The following SASH1 variants were observed in gnomAD, a reference collection of about 807,000 sequenced individuals.
SASH1 encodes the protein SAM and SH3 domain containing 1, also known as SAM and SH3 domain-containing protein 1.
In SASH1, 44 loss-of-function variants were observed where a neutral mutation model predicts 125.2. The observed-to-expected ratio is 0.35, with a 90% confidence interval of 0.28 to 0.45. The LOEUF is 0.45. Ranked by LOEUF, SASH1 falls within the 20% of genes least tolerant of loss-of-function variation. The pLI is 1.00. For missense variants in SASH1, 1,426 were observed against 1,614.5 expected (o/e 0.88, Z 2.00); for synonymous variants, 639 against 649.1 (o/e 0.98, Z 0.24).
chr6:148,396,159 A>C (rs756082331), intron 2 of SASH1, among the ~76,000 whole-genome samples: 5 of 147,410 alleles, frequency 3.4e-5, no homozygotes, highest in Non-Finnish European at 6.0e-5. Flanking sequence ...AAAATATTGC[A>C]TATTATAACT....
At chr6:148,273,637 A>G (rs1291670752) in intron 1 of SASH1, among the ~76,000 whole-genome samples, 3 of 152,036 alleles carry the variant, frequency 2.0e-5, no homozygotes, top group Non-Finnish European at 4.4e-5. Flanking sequence ...TTTGTTCATG[A>G]AAAATAATTA....
chr6:148,343,511 A>G (rs1002046784), intron 1 of SASH1, among the ~76,000 whole-genome samples: 1 of 152,242 alleles, frequency 6.6e-6, no homozygotes, highest in Non-Finnish European at 1.5e-5. Flanking sequence ...AAAGGCGAGA[A>G]AGAGGCCTTC....
chr6:148,526,471 C>A (rs1781166442), intron 11 of SASH1, among the ~76,000 whole-genome samples: 1 of 151,950 alleles, frequency 6.6e-6, no homozygotes, highest in African/African-American at 2.4e-5. Flanking sequence ...GCTAAAATAC[C>A]CACCTGGGAT....
chr6:148,439,238 C>T (rs1249734485), intron 2 of SASH1, among the ~76,000 whole-genome samples: 2 of 152,144 alleles, frequency 1.3e-5, no homozygotes, highest in Non-Finnish European at 2.9e-5. Flanking sequence ...TTCTTTGATT[C>T]TTCTGCCTCT....
intron 12 of SASH1, among the ~76,000 whole-genome samples, chr6:148,528,578 A>G (rs1186590590): frequency 6.6e-6 from 1 of 152,186 alleles, no homozygotes; most frequent in Non-Finnish European, 1.5e-5. Flanking sequence ...AGTTGATTAC[A>G]GTGGTTCTCA....
At chr6:148,365,981 C>T (rs193252260) in intron 1 of SASH1, among the ~76,000 whole-genome samples, 207 of 152,162 alleles carry the variant, frequency 1.4e-3, no homozygotes, top group African/African-American at 4.5e-3. Flanking sequence ...GGCGTGGTGG[C>T]GTGCGCCTGT....
intron 2 of SASH1, among the ~76,000 whole-genome samples, chr6:148,434,738 T>A (rs1402897154): frequency 2.0e-5 from 3 of 152,238 alleles, no homozygotes; most frequent in African/African-American, 4.8e-5. Context: ...TTTCTTTTTT[T>A]AATGTATTTA....
rs533747778 is a variant in SASH1, at chr6:148,463,301, C to T, written c.387-5244C>T. 5.3e-5 allele frequency among the ~76,000 whole-genome samples: 8 copies of T among 152,148 alleles called. No homozygotes were observed. The South Asian group carries it at 1.0e-3, about 20-fold the overall frequency. On this transcript the variant is annotated intron_variant, in intron 4 of 19. Transcript: ENST00000367467. ...CTGCGATTACAGGTGCTCTCCACCA[C>T]GCCTGGCTAATTATTGTATTTTTAG...
chr6:148,277,237 G>A (rs1007076410), intron 1 of SASH1, among the ~76,000 whole-genome samples: 1 of 152,190 alleles, frequency 6.6e-6, no homozygotes, highest in African/African-American at 2.4e-5. Context: ...GTGGTCAGGT[G>A]GCCAATGTGG....
chr6:148,441,859 C>T (rs144418076), intron 4 of SASH1, among the ~76,000 whole-genome samples: 43 of 152,250 alleles, frequency 2.8e-4, no homozygotes, highest in Non-Finnish European at 5.6e-4. Context: ...TGGCATGGCT[C>T]TTGTGGCTGA....
At chr6:148,355,333 C>T (rs1170732936) in intron 1 of SASH1, among the ~76,000 whole-genome samples, 4 of 152,118 alleles carry the variant, frequency 2.6e-5, no homozygotes, top group South Asian at 2.1e-4. Flanking sequence ...TAACATGTGA[C>T]GCCCAGGTGG....
At position 148,387,596 on chromosome 6, in the gene SASH1, C is replaced by G. The variant is rs1562371018; in HGVS notation, c.157-2538C>G. On this transcript the variant is annotated intron_variant, in intron 1 of 19. Transcript: ENST00000367467. ...TCTTTCTTTCTTTCTTTCTTTCTTT[C>G]TTTCTTTCTTTCTTTCTTTCTTTCT... Among the ~76,000 whole-genome samples, 7 of 10,316 alleles carry G rather than the reference C, an allele frequency of 6.8e-4. 1 individual carries two copies. The highest frequency in any genetic ancestry group is 1.1e-3 in the African/African-American group (2 of 1,850). The allele number at this position is 10,316 out of a possible 152,430, so 6.8% of individuals were successfully genotyped here.
In SASH1 at chr6:148,290,333, G is replaced by A. The variant is rs113439461; in HGVS notation, n.74+17956G>A. ...TTAATGAAAACGTTCTTGGCCGGGC[G>A]CGGTGGCTCATGCCTGTAATCCCAG... On this transcript the variant is annotated intron_variant and non_coding_transcript_variant, in intron 1 of 3. Coordinates refer to the SASH1 transcript ENST00000367469. Among the ~76,000 whole-genome samples, 1,058 of 151,776 alleles carry A rather than the reference G, an allele frequency of 7.0e-3. 14 individuals carry two copies. The highest frequency in any genetic ancestry group is 0.019 in the Admixed American group (286 of 15,238).
At chr6:148,534,145 T>G (rs1231228037) in intron 15 of SASH1, among the ~76,000 whole-genome samples, 165 bp downstream of exon 15, 1 of 149,090 alleles carries the variant, frequency 6.7e-6, no homozygotes, top group Non-Finnish European at 1.5e-5. Context: ...CAGAAAGAGT[T>G]AGTTAGTTAC....
chr6:148,213,976 G>C, the SASH1 span, among the ~76,000 whole-genome samples: 3 of 152,092 alleles, frequency 2.0e-5, no homozygotes, highest in Non-Finnish European at 4.4e-5. Context: ...CTGCTCCCAA[G>C]AGTATAAAAC....
intron 1 of SASH1, among the ~76,000 whole-genome samples, chr6:148,355,994 C>G (rs921208763): frequency 6.6e-6 from 1 of 151,744 alleles, no homozygotes; most frequent in Non-Finnish European, 1.5e-5. Context: ...GTACACAGCA[C>G]TCAGTGTGCA....
chr6:148,511,368 CACA>C (rs1780119794), intron 8 of SASH1, among the ~76,000 whole-genome samples: 1 of 143,208 alleles, frequency 7.0e-6, no homozygotes, highest in Non-Finnish European at 1.5e-5. Context: ...CACACACACA[CACA>C]CACCTTGGAT....
intron 2 of SASH1, among the ~76,000 whole-genome samples, chr6:148,435,413 A>G (rs1211570571): frequency 6.6e-6 from 1 of 151,694 alleles, no homozygotes; most frequent in Non-Finnish European, 1.5e-5. Context: ...GTATATTTAC[A>G]CTTAGGAAAC....
intron 1 of SASH1, among the ~76,000 whole-genome samples, chr6:148,383,068 G>A (rs943698894): frequency 1.3e-5 from 2 of 152,180 alleles, no homozygotes; most frequent in South Asian, 2.1e-4. Context: ...TCTGCAGAAC[G>A]ACGACGACGT....
Sources: gnomAD v4.1 joint callset for allele counts (sites outside exome capture counted in the v4.1 genomes callset) on GRCh38, gnomAD v4.1.1 for gene constraint, MANE v1.5 for transcripts, NCBI Gene and HGNC (gene_info 2026-07-23, HGNC 2026-07-21) for gene names.